CLASP1: variants seen among roughly 807,000 people sequenced by gnomAD.
The protein encoded by CLASP1 is cytoplasmic linker associated protein 1.
A neutral mutation model predicts 192.3 loss-of-function variants in CLASP1; 38 were observed. The observed-to-expected ratio is 0.20, with a 90% CI of 0.15 to 0.26. The LOEUF is 0.26. Among genes scored for constraint, CLASP1 ranks in the 10% least tolerant of loss-of-function variants. The pLI is 1.00. For missense variants in CLASP1, 1,433 were observed against 1,932.5 expected, an observed-to-expected ratio of 0.74 and a Z score of 4.85; for synonymous variants, 691 against 712.8, an observed-to-expected ratio of 0.97 and a Z score of 0.49.
At chr2:121,418,679 C>T (rs1171578844) in exon 23 of CLASP1, 3 of 1,613,858 alleles carry the variant, frequency 1.9e-6, no homozygotes, top group South Asian at 1.1e-5. Context: ...CGGCTGGTAT[C>T]GCGGCTGCAC....
At chr2:121,598,557 T>C (rs1481603094) in intron 2 of CLASP1, among the ~76,000 whole-genome samples, 2 of 152,244 alleles carry the variant, frequency 1.3e-5, no homozygotes, top group African/African-American at 4.8e-5. Flanking sequence ...CCTGTTCTTA[T>C]GAAAGCAGCA....
intron 15 of CLASP1, 61 bp from the exon 16 acceptor site, chr2:121,451,051 C>T: frequency 8.7e-7 from 1 of 1,145,492 alleles, no homozygotes; most frequent in South Asian, 1.3e-5. Context: ...GCAAGTGAAA[C>T]CAGGTGGGAG....
intron 34 of CLASP1, among the ~76,000 whole-genome samples, chr2:121,375,082 A>C (rs1262575837): frequency 3.3e-5 from 5 of 152,086 alleles, no homozygotes; most frequent in East Asian, 1.9e-4. Context: ...TGTAATTCCC[A>C]ATGTCGGGGG....
chr2:121,432,429 C>G (rs1423295418), intron 19 of CLASP1, among the ~76,000 whole-genome samples: 1 of 152,094 alleles, frequency 6.6e-6, no homozygotes, highest in African/African-American at 2.4e-5. Context: ...TGTGATTAGC[C>G]TTTTTTAAAA....
At chr2:121,587,188 C>T (rs1289015234) in intron 2 of CLASP1, among the ~76,000 whole-genome samples, 1 of 152,076 alleles carries the variant, frequency 6.6e-6, no homozygotes, top group Non-Finnish European at 1.5e-5. Context: ...TTGCAGTGAG[C>T]TGAGATCACA....
chr2:121,469,931 C>A, exon 9 of CLASP1: 3 of 1,611,270 alleles, frequency 1.9e-6, no homozygotes, highest in Non-Finnish European at 2.5e-6. Flanking sequence ...CTGTTACCAT[C>A]CACAGAATCT....
chr2:121,621,846 T>C (rs1207637778), intron 1 of CLASP1, among the ~76,000 whole-genome samples: 1 of 152,112 alleles, frequency 6.6e-6, no homozygotes, highest in Non-Finnish European at 1.5e-5. Context: ...GGTTTTTTTG[T>C]TGTTTGTTTG....
chr2:121,414,717 A>T (rs1011952294), intron 23 of CLASP1, among the ~76,000 whole-genome samples: 2 of 152,230 alleles, frequency 1.3e-5, no homozygotes, highest in African/African-American at 4.8e-5. Flanking sequence ...AAGGGGGTTC[A>T]ACAGTTAGAA....
intron 8 of CLASP1, among the ~76,000 whole-genome samples, chr2:121,491,717 G>A (rs1559419891): frequency 6.6e-6 from 1 of 152,144 alleles, no homozygotes; most frequent in African/African-American, 2.4e-5. Context: ...AAGCCGAAAG[G>A]CCTTCGGGTA....
chr2:121,374,461 G>A (rs1444031635), intron 34 of CLASP1, among the ~76,000 whole-genome samples: 1 of 152,222 alleles, frequency 6.6e-6, no homozygotes, highest in African/African-American at 2.4e-5. Context: ...CCCCACTGGG[G>A]CACTGCCTAG....
At chr2:121,611,614 C>G (rs1425857769) in intron 1 of CLASP1, among the ~76,000 whole-genome samples, 1 of 95,896 alleles carries the variant, frequency 1.0e-5, no homozygotes, top group Admixed American at 1.1e-4. Flanking sequence ...GGAGGAGTTA[C>G]AGGAGGAAGA....
intron 37 of CLASP1, among the ~76,000 whole-genome samples, chr2:121,360,193 G>A (rs895943852): frequency 1.3e-5 from 2 of 152,150 alleles, no homozygotes; most frequent in Non-Finnish European, 2.9e-5. Flanking sequence ...TTAACCTGCC[G>A]AGTCTTACGC....
At chr2:121,631,030 G>A (rs1329631064) in intron 1 of CLASP1, among the ~76,000 whole-genome samples, 10 of 150,788 alleles carry the variant, frequency 6.6e-5, no homozygotes, top group Non-Finnish European at 1.5e-4. Context: ...GTGGTGGCAG[G>A]CGCCCATAGT....
rs1340456356 is a variant in CLASP1, at chr2:121,559,636, A to C, written c.196-29311T>G. ...TATGAAATATCTGGAATAGAGACAGAAAAAAAAAATCCAAAGACAGCAAGT... is the reference window on the plus strand; with the variant it reads ...TATGAAATATCTGGAATAGAGACAGCAAAAAAAAATCCAAAGACAGCAAGT... On this transcript the variant is annotated intron_variant, in intron 2 of 39. Coordinates refer to ENST00000263710, the Ensembl canonical transcript of CLASP1. Among the ~76,000 whole-genome samples, 5 of 150,350 alleles carry C rather than the reference A, an allele frequency of 3.3e-5. No homozygotes were observed. In the East Asian group the frequency reaches 9.7e-4, roughly 29 times the overall value.
intron 26 of CLASP1, chr2:121,403,923 C>T (rs2076521589): frequency 5.4e-5 from 23 of 424,944 alleles, no homozygotes; most frequent in South Asian, 3.8e-4. Context: ...TCAATAAATC[C>T]ATTACATATT....
At chr2:121,477,361 G>A (rs2091761018) in intron 8 of CLASP1, among the ~76,000 whole-genome samples, 1 of 152,170 alleles carries the variant, frequency 6.6e-6, no homozygotes, top group South Asian at 2.1e-4. Context: ...ACAAGGCTAT[G>A]AAAATAACTG....
chr2:121,448,166 A>G (rs1051245765), intron 18 of CLASP1, 110 bp downstream of exon 18: 2 of 888,434 alleles, frequency 2.3e-6, no homozygotes, highest in Non-Finnish European at 3.7e-6. Flanking sequence ...CAAGCCTAAG[A>G]AGGAACTGAG....
At chr2:121,558,932 G>A (rs919482159) in intron 2 of CLASP1, among the ~76,000 whole-genome samples, 5 of 152,288 alleles carry the variant, frequency 3.3e-5, no homozygotes, top group Admixed American at 3.3e-4. Flanking sequence ...TTTCAACCTG[G>A]CCTGGGAACC....
At chr2:121,453,377 GC>G in intron 14 of CLASP1, among the ~76,000 whole-genome samples, 1 of 152,284 alleles carries the variant, frequency 6.6e-6, no homozygotes, top group African/African-American at 2.4e-5. Context: ...CCAAGACACA[GC>G]CCAGAGAACA....
Sources: allele counts gnomAD v4.1 joint callset (sites outside exome capture counted in the v4.1 genomes callset), GRCh38; gene constraint gnomAD v4.1.1; transcripts MANE v1.5; gene names NCBI Gene and HGNC (gene_info 2026-07-23, HGNC 2026-07-21).